Variants in ABCC1 observed in about 807,000 individuals in gnomAD.
ABCC1 encodes multidrug resistance-associated protein 1.
Under a neutral mutation model 172.9 loss-of-function variants are expected in ABCC1, and 83 were observed. That is an observed-to-expected ratio of 0.48 (90% CI 0.40 to 0.58). ABCC1 has a LOEUF of 0.58. Ranked by LOEUF, ABCC1 falls within the 20% of genes least tolerant of loss-of-function variation. The pLI, the probability that ABCC1 is intolerant of heterozygous loss-of-function variation, is 0.00. For synonymous variants in ABCC1, 937 were observed against 825.2 expected (o/e 1.14, Z -2.32); for missense variants, 1,817 against 2,002.7 (o/e 0.91, Z 1.77).
At chr16:16,080,873 T>A (rs1256917909) in intron 16 of ABCC1, among the ~76,000 whole-genome samples, 5 of 44,354 alleles carry the variant, frequency 1.1e-4, no homozygotes, top group Non-Finnish European at 2.1e-4. Flanking sequence ...TTGTTTGTTG[T>A]TGTGGGTTTT....
intron 21 of ABCC1, among the ~76,000 whole-genome samples, chr16:16,108,273 C>CTTTTTTTTTTTTTTTTTTTTTTTT (rs79826916): frequency 2.8e-5 from 3 of 106,314 alleles, no homozygotes; most frequent in African/African-American, 3.4e-5. Context: ...TTCTTTGTGT[C>CTTTTTTTTTTTTTTTTTTTTTTTT]TTTTTTTTTT....
chr16:15,991,022 C>G (rs1402967239), intron 1 of ABCC1, among the ~76,000 whole-genome samples: 1 of 152,066 alleles, frequency 6.6e-6, no homozygotes, highest in Non-Finnish European at 1.5e-5. Context: ...ATCATGTTTT[C>G]TTTGTCCACT....
intron 6 of ABCC1, among the ~76,000 whole-genome samples, chr16:16,033,946 A>T (rs112699193): frequency 7.3e-6 from 1 of 136,952 alleles, no homozygotes; most frequent in African/African-American, 2.7e-5. Flanking sequence ...CTCTTTTTGT[A>T]TATCTTTTTC....
intron 14 of ABCC1, among the ~76,000 whole-genome samples, chr16:16,073,388 T>C (rs1038687813): frequency 1.3e-5 from 2 of 152,238 alleles, no homozygotes; most frequent in Non-Finnish European, 2.9e-5. Flanking sequence ...AGAAGTGCTC[T>C]GTGTGCACTG....
intron 1 of ABCC1, among the ~76,000 whole-genome samples, chr16:15,992,095 G>A (rs1166820157): frequency 1.3e-5 from 2 of 151,956 alleles, no homozygotes; most frequent in South Asian, 2.1e-4. Flanking sequence ...ATAGGAGCGC[G>A]AACCCTGCTG....
chr16:15,958,367 C>G (rs968823034), intron 1 of ABCC1, among the ~76,000 whole-genome samples: 1 of 152,108 alleles, frequency 6.6e-6, no homozygotes, highest in Non-Finnish European at 1.5e-5. Context: ...TCCTCAGCCT[C>G]CCAAAGTGCT....
chr16:16,103,581 A>G (rs955290910), intron 20 of ABCC1, among the ~76,000 whole-genome samples: 4 of 152,104 alleles, frequency 2.6e-5, no homozygotes, highest in Non-Finnish European at 4.4e-5. Context: ...CTCCATCTCA[A>G]AAAACAAAAA....
Position 16,044,648 on chromosome 16 carries a change from C to T in ABCC1, c.1008C>T (p.Asp336=), listed in dbSNP as rs1437008688. 4.3e-6 allele frequency: 7 copies of T among 1,614,038 alleles called. No individual in the cohort carries two copies. The African/African-American group carries it at 6.7e-5, about 15-fold the overall frequency. The part of the protein sequence containing the change: ...LMSFFFKAIH[D]LMMFSGPQIL... The stretch of plus-strand genomic sequence containing the variant: ...GCTTCTTCTTCAAGGCCATCCACGA[C>T]CTGATGATGTTTTCCGGGCCGCAGA... Residue 336 remains aspartate (D), a synonymous_variant, in exon 8 of 31, where the codon GAC becomes GAT. Transcript: ENST00000399410.
At position 16,131,883 on chromosome 16, in the gene ABCC1, A is replaced by G. The variant is rs748571484; in HGVS notation, c.3914A>G (p.Asp1305Gly). The G allele has an allele frequency of 4.3e-5, 69 of 1,613,830 alleles. No homozygotes were observed. The highest frequency in any genetic ancestry group is 5.8e-5 in the Non-Finnish European group (68 of 1,179,950). ...FRNYCLRYRE[D>G]LDFVLRHINV... ...AACTACTGCCTGCGCTACCGAGAGGACCTGGACTTCGTTCTCAGGCACATC... is the reference window on the plus strand; with the variant it reads ...AACTACTGCCTGCGCTACCGAGAGGGCCTGGACTTCGTTCTCAGGCACATC... Residue 1305 changes from aspartate to glycine, a missense_variant, in exon 27 of 31, where the codon GAC becomes GGC. By Grantham distance (94) the Asp-to-Gly change is moderately conservative (BLOSUM62 -1). Around this residue, in one of 3 missense-constraint regions of ABCC1, gnomAD observed 1,412 missense variants for 1,600.3 expected, o/e 0.88. Coordinates refer to ENST00000399410, the MANE Select transcript of ABCC1 (RefSeq NM_004996.4).
In ABCC1 at chr16:16,045,994, T is replaced by C. The variant is rs566280085; in HGVS notation, c.1199T>C (p.Ile400Thr). The C allele has an allele frequency of 4.5e-5, 73 of 1,614,156 alleles. No homozygotes were observed. The East Asian group carries it at 6.7e-4, about 15-fold the overall frequency. ...VSGMRIKTAV[I>T]GAVYRKALVI... ...GGCATGAGGATCAAGACCGCTGTCA[T>C]TGGGGCTGTCTATCGGAAGGTAGGG... The change falls in exon 9 of 31, where the codon ATT becomes ACT. Residue 400 changes from isoleucine to threonine, a missense_variant. This residue lies in a region of ABCC1 where 1,412 missense variants were observed against 1,600.3 expected (regional missense o/e 0.88). Transcript: ENST00000399410.
chr16:16,060,520 C>G (rs756531008), intron 12 of ABCC1, among the ~76,000 whole-genome samples: 51 of 151,840 alleles, frequency 3.4e-4, no homozygotes, highest in Non-Finnish European at 6.3e-4. Context: ...TTGATGAACT[C>G]TCTCTTTTTT....
At chr16:15,957,631 C>G (rs542742489) in intron 1 of ABCC1, among the ~76,000 whole-genome samples, 4 of 152,168 alleles carry the variant, frequency 2.6e-5, no homozygotes, top group South Asian at 4.1e-4. Context: ...GAGTCTTGCT[C>G]TGTTGCCAGG....
chr16:15,994,976 C>T (rs2047007684), intron 1 of ABCC1, among the ~76,000 whole-genome samples: 1 of 151,190 alleles, frequency 6.6e-6, no homozygotes, highest in Non-Finnish European at 1.5e-5. Context: ...ACTAAAAATG[C>T]AAAAATTAGC....
intron 28 of ABCC1, among the ~76,000 whole-genome samples, chr16:16,136,023 T>A (rs563259704): frequency 0.014 from 2,088 of 152,134 alleles, 46 homozygotes; most frequent in African/African-American, 0.047. Flanking sequence ...CTTTTTTTTT[T>A]TTTTCCATTA....
At chr16:16,092,889 T>C (rs2051310956) in intron 19 of ABCC1, among the ~76,000 whole-genome samples, 1 of 152,142 alleles carries the variant, frequency 6.6e-6, no homozygotes, top group South Asian at 2.1e-4. Context: ...TTCGGGAGGC[T>C]GAGGTGGGGG....
In ABCC1 at chr16:16,044,479, A is replaced by G. The variant is rs761749719; in HGVS notation, c.839A>G (p.Lys280Arg). The change falls in exon 8 of 31, where the codon AAG (lysine) becomes AGG (arginine). Residue 280 changes from lysine to arginine, a missense_variant. Lys to Arg is a conservative substitution (Grantham distance 26). This residue lies in a region of ABCC1 where 398 missense variants were observed against 384.2 expected (regional missense o/e 1.04). Coordinates refer to ENST00000399410, the MANE Select transcript of ABCC1 (RefSeq NM_004996.4). ...KQPVKVVYSS[K>R]DPAQPKESSK... The stretch of plus-strand genomic sequence containing the variant: ...CCGGTGAAGGTTGTGTACTCCTCCA[A>G]GGATCCTGCCCAGCCGAAAGAGAGT... 6 of 1,614,054 alleles carry G rather than the reference A, an allele frequency of 3.7e-6. No individual in the cohort carries two copies. The African/African-American group carries it at 5.3e-5, about 14-fold the overall frequency.
intron 19 of ABCC1, among the ~76,000 whole-genome samples, chr16:16,100,780 C>T (rs766958893): frequency 6.6e-6 from 1 of 152,162 alleles, no homozygotes; most frequent in Non-Finnish European, 1.5e-5. Flanking sequence ...TTCACCCTCT[C>T]GCAAATGAAG....
chr16:16,013,508 G>A lies in ABCC1; in HGVS notation c.352-983G>A, dbSNP rs372062359. Among the ~76,000 whole-genome samples, 6 of 151,784 alleles carry A rather than the reference G, an allele frequency of 4.0e-5. No homozygotes were observed. The East Asian group carries it at 7.8e-4, about 20-fold the overall frequency. Reference sequence around the variant, plus strand: ...CTGGTCTCAAACTCCTGACCTGCCCGCCTTGGCCTCCCAAAGTGCTGGGAT... The same window carrying A: ...CTGGTCTCAAACTCCTGACCTGCCCACCTTGGCCTCCCAAAGTGCTGGGAT... On this transcript the variant is annotated intron_variant, in intron 3 of 30. Transcript: ENST00000399410.
intron 26 of ABCC1, among the ~76,000 whole-genome samples, chr16:16,128,097 T>C (rs2045517318): frequency 6.6e-6 from 1 of 151,596 alleles, no homozygotes; most frequent in African/African-American, 2.4e-5. Context: ...ACTTATTTCA[T>C]TAGTTTTTAT....
Sources: gnomAD v4.1 joint callset for allele counts (sites outside exome capture counted in the v4.1 genomes callset) on GRCh38, gnomAD v4.1.1 for gene constraint, gnomAD v4.1.1 regional missense constraint, MANE v1.5 for transcripts, NCBI Gene and HGNC (gene_info 2026-07-23, HGNC 2026-07-21) for gene names.